Variants in GPM6A observed in about 807,000 individuals in gnomAD.
The protein encoded by GPM6A is glycoprotein M6A, also known as neuronal membrane glycoprotein M6-a.
In GPM6A, 7 loss-of-function variants were observed where a neutral mutation model predicts 32.1. The observed-to-expected ratio is 0.22, with a 90% CI of 0.12 to 0.41. GPM6A has a LOEUF of 0.41. Among genes scored for constraint, GPM6A ranks in the 10% least tolerant of loss-of-function variants. GPM6A has a pLI of 1.00. For missense variants in GPM6A, 235 were observed against 347.2 expected (o/e 0.68, Z 2.57); for synonymous variants, 130 against 123.4 (o/e 1.05, Z -0.35).
chr4:175,701,873 A>G, intron 1 of GPM6A, 106 bp from the exon 2 acceptor site: 1 of 703,338 alleles, frequency 1.4e-6, no homozygotes, highest in East Asian at 2.7e-5. Context: ...TGACAATACC[A>G]GGTCAACCAT....
At chr4:175,967,388 C>T (rs1398885227) in intron 1 of GPM6A, among the ~76,000 whole-genome samples, 1 of 152,080 alleles carries the variant, frequency 6.6e-6, no homozygotes, top group Non-Finnish European at 1.5e-5. Context: ...GATGTCCTTG[C>T]TCATCACTCG....
chr4:175,917,602 A>G (rs924679536), intron 1 of GPM6A, among the ~76,000 whole-genome samples: 1 of 152,138 alleles, frequency 6.6e-6, no homozygotes, highest in Non-Finnish European at 1.5e-5. Flanking sequence ...AAATCCACCT[A>G]ACAGATGATT....
intron 2 of GPM6A, among the ~76,000 whole-genome samples, chr4:175,694,304 G>A (rs1744451394): frequency 6.6e-6 from 1 of 152,142 alleles, no homozygotes; most frequent in Non-Finnish European, 1.5e-5. Context: ...CAGTTTGGAG[G>A]GCTCAGAAGA....
intron 1 of GPM6A, among the ~76,000 whole-genome samples, chr4:175,965,904 G>A (rs370979209): frequency 7.9e-5 from 12 of 152,128 alleles, no homozygotes; most frequent in African/African-American, 2.6e-4. Context: ...GAGCCACCAC[G>A]CCTGGCCAAG....
At chr4:175,775,558 A>G (rs183266953) in intron 1 of GPM6A, among the ~76,000 whole-genome samples, 3 of 152,184 alleles carry the variant, frequency 2.0e-5, no homozygotes, top group South Asian at 2.1e-4. Context: ...GTTATTTTGC[A>G]TTTCAAAATC....
At chr4:175,934,236 G>A (rs1420871296) in intron 1 of GPM6A, among the ~76,000 whole-genome samples, 1 of 152,244 alleles carries the variant, frequency 6.6e-6, no homozygotes, top group Admixed American at 6.5e-5. Context: ...CCTCCTTAAA[G>A]TCGACTACTT....
intron 1 of GPM6A, among the ~76,000 whole-genome samples, chr4:175,743,376 A>G (rs1472651595): frequency 6.6e-6 from 1 of 152,056 alleles, no homozygotes; most frequent in Non-Finnish European, 1.5e-5. Context: ...CTCTTGGGGA[A>G]CCACTAAGAA....
chr4:175,906,492 G>C (rs1200548164), intron 1 of GPM6A, among the ~76,000 whole-genome samples: 3 of 152,064 alleles, frequency 2.0e-5, no homozygotes, highest in African/African-American at 7.2e-5. Flanking sequence ...AAACTCCAGT[G>C]CTCTTATTTT....
At chr4:175,950,419 AT>A (rs1739769084) in intron 1 of GPM6A, among the ~76,000 whole-genome samples, 3 of 152,222 alleles carry the variant, frequency 2.0e-5, no homozygotes, top group Non-Finnish European at 4.4e-5. Context: ...ACTGGATATA[AT>A]TTTGAAATGT....
At chr4:175,948,873 C>CT (rs561632066) in intron 1 of GPM6A, among the ~76,000 whole-genome samples, 4 of 151,810 alleles carry the variant, frequency 2.6e-5, no homozygotes, top group African/African-American at 9.7e-5. Flanking sequence ...ATTAAAATGC[C>CT]ATAGATCCTT....
At chr4:175,804,693 A>AAG in intron 1 of GPM6A, among the ~76,000 whole-genome samples, 1 of 152,164 alleles carries the variant, frequency 6.6e-6, no homozygotes, top group East Asian at 1.9e-4. Flanking sequence ...GTACTTAATT[A>AAG]TGTTTCTGAT....
intron 1 of GPM6A, among the ~76,000 whole-genome samples, chr4:175,880,242 G>C (rs6834182): frequency 0.04 from 6,119 of 152,148 alleles, 400 homozygotes; most frequent in African/African-American, 0.14. Flanking sequence ...TTCCATTGGT[G>C]TATATCTCTG....
At chr4:175,866,634 T>C (rs536020018) in intron 1 of GPM6A, among the ~76,000 whole-genome samples, 31 of 152,206 alleles carry the variant, frequency 2.0e-4, no homozygotes, top group Non-Finnish European at 4.1e-4. Flanking sequence ...TTTAATTGTC[T>C]GGATGTACCA....
Position 175,974,620 on chromosome 4 carries a change from A to G in GPM6A, c.-23+27689T>C, listed in dbSNP as rs187161541. On this transcript the variant is annotated intron_variant, in intron 1 of 7. Coordinates refer to the GPM6A transcript ENST00000280187. ...AAAATCAAAACTATTCAACATGACC[A>G]CAAGGCCATGTACATAAGAATCCTA... 5.2e-3 allele frequency among the ~76,000 whole-genome samples: 797 copies of G among 152,246 alleles called. 2 individuals carry two copies. Among genetic ancestry groups the G allele is most frequent in the African/African-American group, 0.018 (741 of 41,494 alleles).
chr4:175,866,371 A>G (rs1047045985), intron 1 of GPM6A, among the ~76,000 whole-genome samples: 1 of 152,090 alleles, frequency 6.6e-6, no homozygotes, highest in Non-Finnish European at 1.5e-5. Flanking sequence ...ACACATACCT[A>G]TCGTTAGAGT....
intron 1 of GPM6A, among the ~76,000 whole-genome samples, chr4:175,934,341 T>C (rs1207915004): frequency 6.6e-6 from 1 of 152,200 alleles, no homozygotes; most frequent in East Asian, 1.9e-4. Context: ...ATTATAGCCA[T>C]GAATCTCAGA....
chr4:175,984,346 G>C (rs1740907704), intron 1 of GPM6A, among the ~76,000 whole-genome samples: 1 of 151,950 alleles, frequency 6.6e-6, no homozygotes, highest in African/African-American at 2.4e-5. Context: ...TGTATTTTTA[G>C]TAGAGACGAG....
At chr4:175,904,073 G>A (rs1046649235) in intron 1 of GPM6A, among the ~76,000 whole-genome samples, 1 of 152,066 alleles carries the variant, frequency 6.6e-6, no homozygotes, top group African/African-American at 2.4e-5. Context: ...AAGTTAGGGA[G>A]TAGCACACTA....
chr4:175,821,136 C>T (rs1317008790), intron 1 of GPM6A, among the ~76,000 whole-genome samples: 1 of 152,092 alleles, frequency 6.6e-6, no homozygotes, highest in Non-Finnish European at 1.5e-5. Flanking sequence ...TACTGTTCTA[C>T]GTCTTCTATA....
Sources: allele counts gnomAD v4.1 joint callset (sites outside exome capture counted in the v4.1 genomes callset), GRCh38; gene constraint gnomAD v4.1.1; transcripts MANE v1.5; gene names NCBI Gene and HGNC (gene_info 2026-07-23, HGNC 2026-07-21).